The following NUDT7 variants were observed in gnomAD, a reference collection of about 807,000 sequenced individuals.
The protein encoded by NUDT7 is nudix hydrolase 7.
A neutral mutation model predicts 13.1 loss-of-function variants in NUDT7; 19 were observed. The ratio of observed to expected loss-of-function variants is 1.45; its 90% CI spans 1.01 to 2.13. The LOEUF (loss-of-function observed/expected upper bound fraction) is 2.13. Ranked by LOEUF, NUDT7 falls within the 30% of genes most tolerant of loss-of-function variation. The pLI, the probability that NUDT7 is intolerant of heterozygous loss-of-function variation, is 0.00. For synonymous variants in NUDT7, 132 were observed against 109.7 expected (o/e 1.20, Z -1.27); for missense variants, 360 against 291.7 (o/e 1.23, Z -1.71).
chr16:77,730,946 A>AT (rs2014301080), intron 2 of NUDT7, among the ~76,000 whole-genome samples: 1 of 151,050 alleles, frequency 6.6e-6, no homozygotes, highest in African/African-American at 2.4e-5. Flanking sequence ...TATTATTGAT[A>AT]TTGAGTTGAG....
intron 2 of NUDT7, among the ~76,000 whole-genome samples, chr16:77,731,351 A>G (rs1286136152): frequency 6.6e-6 from 1 of 152,108 alleles, no homozygotes; most frequent in Non-Finnish European, 1.5e-5. Context: ...TGGACCATGG[A>G]CCATATATAC....
In NUDT7 at chr16:77,736,640, T is replaced by A. The variant is rs58635006; in HGVS notation, c.348+654T>A. 2,937 of 243,276 alleles carry A rather than the reference T, an allele frequency of 0.012. 94 individuals are homozygous for A. Among genetic ancestry groups the A allele is most frequent in the African/African-American group, 0.061 (2,680 of 43,932 alleles). The allele number at this position is 243,276 out of a possible 1,614,324, so 15.1% of individuals were successfully genotyped here. On this transcript the variant is annotated intron_variant, in intron 3 of 3. Coordinates refer to ENST00000268533, the MANE Select transcript of NUDT7 (RefSeq NM_001105663.3). ...ACATCTTATTTTCTTTTTTATTTTT[T>A]TTTTTATAGAGATGGGGGTCTCGCT...
chr16:77,725,362 G>C, intron 1 of NUDT7, 69 bp from the exon 2 acceptor site: 2 of 1,405,036 alleles, frequency 1.4e-6, no homozygotes, highest in Non-Finnish European at 2.0e-6. Context: ...CAGAAACAGA[G>C]GCAGGACTAT....
At chr16:77,736,781 T>A (rs1455070316) in intron 3 of NUDT7, 1 of 173,280 alleles carries the variant, frequency 5.8e-6, no homozygotes, top group Non-Finnish European at 1.3e-5. Context: ...TCTTACTTTC[T>A]ATCGGTTCAC....
intron 2 of NUDT7, among the ~76,000 whole-genome samples, chr16:77,732,264 G>T (rs1444583479): frequency 2.6e-5 from 4 of 151,778 alleles, no homozygotes; most frequent in East Asian, 3.9e-4. Context: ...GGAGTCAGAG[G>T]CTGCAGTGAG....
intron 2 of NUDT7, among the ~76,000 whole-genome samples, chr16:77,726,260 T>C (rs160197): frequency 0.65 from 98,305 of 152,108 alleles, 32,892 homozygotes; most frequent in Non-Finnish European, 0.74. Context: ...GACAAAATAT[T>C]AGTAACTGCT....
At chr16:77,741,314 G>A (rs1036279494) in intron 3 of NUDT7, among the ~76,000 whole-genome samples, 14 of 152,200 alleles carry the variant, frequency 9.2e-5, no homozygotes, top group Non-Finnish European at 2.1e-4. Flanking sequence ...ACATTTTTAT[G>A]ATACTGCCAA....
At chr16:77,733,510 C>T (rs1283522180) in intron 2 of NUDT7, among the ~76,000 whole-genome samples, 3 of 152,236 alleles carry the variant, frequency 2.0e-5, no homozygotes, top group Non-Finnish European at 2.9e-5. Context: ...AGGATTTCAA[C>T]ATATGGATTC....
chr16:77,739,568 C>G (rs1054387916), intron 3 of NUDT7, among the ~76,000 whole-genome samples: 4 of 152,138 alleles, frequency 2.6e-5, no homozygotes, highest in Admixed American at 2.6e-4. Context: ...TGATGGCCTT[C>G]TTTACTGTAA....
chr16:77,727,587 G>T (rs1441277165), intron 2 of NUDT7, among the ~76,000 whole-genome samples: 1 of 152,242 alleles, frequency 6.6e-6, no homozygotes, highest in Non-Finnish European at 1.5e-5. Context: ...GTGTGCGGTG[G>T]CTCACGCCTG....
chr16:77,730,551 G>A (rs914912947), intron 2 of NUDT7, among the ~76,000 whole-genome samples: 12 of 152,092 alleles, frequency 7.9e-5, no homozygotes, highest in Middle Eastern at 3.2e-3. Flanking sequence ...TGGCCATTGT[G>A]AACAATGCTG....
At chr16:77,733,253 A>G (rs2014374233) in intron 2 of NUDT7, among the ~76,000 whole-genome samples, 1 of 152,234 alleles carries the variant, frequency 6.6e-6, no homozygotes, top group South Asian at 2.1e-4. Flanking sequence ...TAAACAACAG[A>G]TACTAATTCT....
chr16:77,728,564 C>T lies in NUDT7; in HGVS notation c.189+2980C>T, dbSNP rs184157390. On this transcript the variant is annotated intron_variant, in intron 2 of 3. Transcript: ENST00000268533. Reference sequence around the variant, plus strand: ...CAAAGTTCGTAAATCTCTTAATCACCTCGGTTTTCTCATCCCTAAAATGGG... The same window carrying T: ...CAAAGTTCGTAAATCTCTTAATCACTTCGGTTTTCTCATCCCTAAAATGGG... Among the ~76,000 whole-genome samples the T allele has an allele frequency of 8.5e-5, 13 of 152,226 alleles. No homozygotes were observed. The East Asian group carries it at 2.1e-3, about 25-fold the overall frequency.
At position 77,740,302 on chromosome 16, in the gene NUDT7, C is replaced by G. The variant is rs183206285; in HGVS notation, c.349-1280C>G. 1.3e-3 allele frequency among the ~76,000 whole-genome samples: 195 copies of G among 152,274 alleles called. 4 individuals are homozygous for G. The highest frequency in any genetic ancestry group is 7.3e-4 in the Non-Finnish European group (50 of 68,036). On this transcript the variant is annotated intron_variant, in intron 3 of 3. Coordinates refer to ENST00000268533, the MANE Select transcript of NUDT7 (RefSeq NM_001105663.3). ...TCCTGTCTTTGGCTGTCCCTCAGAA[C>G]ATTCTGCAGGCCGGATAGGTCCCAG...
chr16:77,732,373 C>A (rs919506184), intron 2 of NUDT7, among the ~76,000 whole-genome samples: 1 of 151,870 alleles, frequency 6.6e-6, no homozygotes, highest in African/African-American at 2.4e-5. Context: ...CATACTATAG[C>A]CTAAGTGTCT....
intron 2 of NUDT7, among the ~76,000 whole-genome samples, chr16:77,735,218 C>A (rs1040309517): frequency 2.6e-5 from 4 of 152,126 alleles, no homozygotes; most frequent in Admixed American, 6.5e-5. Flanking sequence ...CCACCCAAAT[C>A]TCATGTTCAG....
chr16:77,727,070 A>G (rs2014161179), intron 2 of NUDT7, among the ~76,000 whole-genome samples: 1 of 152,030 alleles, frequency 6.6e-6, no homozygotes, highest in Non-Finnish European at 1.5e-5. Context: ...ATGGTGCTAA[A>G]CCATGCGTGA....
chr16:77,734,354 TGGCTCAC>T (rs1256109324), intron 2 of NUDT7, among the ~76,000 whole-genome samples: 1 of 152,170 alleles, frequency 6.6e-6, no homozygotes, highest in Non-Finnish European at 1.5e-5. Context: ...CTGGGTGCGG[TGGCTCAC>T]GCCTGTAATG....
intron 3 of NUDT7, chr16:77,737,280 A>G (rs963577103): frequency 3.3e-5 from 5 of 152,176 alleles, no homozygotes; most frequent in Non-Finnish European, 7.4e-5. Context: ...GGTCTGTGAT[A>G]GTTTATCAGA....
Sources: allele counts gnomAD v4.1 joint callset (sites outside exome capture counted in the v4.1 genomes callset), GRCh38; gene constraint gnomAD v4.1.1; transcripts MANE v1.5; gene names NCBI Gene and HGNC (gene_info 2026-07-23, HGNC 2026-07-21).